The following TRMT9B variants were observed in gnomAD, a reference collection of about 807,000 sequenced individuals.
The protein encoded by TRMT9B is tRNA methyltransferase 9B (putative), also known as probable tRNA methyltransferase 9B.
A neutral mutation model predicts 11.5 loss-of-function variants in TRMT9B; 16 were observed. The observed-to-expected ratio is 1.39, with a 90% CI of 0.94 to 2.11. TRMT9B has a LOEUF of 2.11. Ranked by LOEUF, TRMT9B falls within the 30% of genes most tolerant of loss-of-function variation. The pLI is 0.00. For missense variants in TRMT9B, 941 were observed against 553.8 expected, an observed-to-expected ratio of 1.70 and a Z score of -7.02; for synonymous variants, 274 against 192.4, an observed-to-expected ratio of 1.42 and a Z score of -3.51.
At chr8:12,962,551 T>G in intron 1 of TRMT9B, among the ~76,000 whole-genome samples, 1 of 152,114 alleles carries the variant, frequency 6.6e-6, no homozygotes, top group Non-Finnish European at 1.5e-5. Flanking sequence ...AGTGCAGTGG[T>G]GTGATCTTGG....
At chr8:12,974,941 T>C (rs1804209020) in intron 1 of TRMT9B, among the ~76,000 whole-genome samples, 1 of 151,724 alleles carries the variant, frequency 6.6e-6, no homozygotes, top group African/African-American at 2.4e-5. Context: ...GCAGCATTAT[T>C]TGTGAAAGAA....
intron 2 of TRMT9B, among the ~76,000 whole-genome samples, chr8:12,998,011 C>A (rs1306037797): frequency 6.6e-6 from 1 of 152,018 alleles, no homozygotes; most frequent in Non-Finnish European, 1.5e-5. Flanking sequence ...AAGTTAAGCC[C>A]CTTTGTGTGT....
intron 1 of TRMT9B, among the ~76,000 whole-genome samples, chr8:12,949,534 C>G (rs141863422): frequency 0.023 from 3,451 of 152,266 alleles, 126 homozygotes; most frequent in African/African-American, 0.077. Flanking sequence ...CTGGTGGTCA[C>G]TGAAATGCCG....
At position 13,023,089 on chromosome 8, in the gene TRMT9B, T is replaced by C. The variant is rs1814212588; in HGVS notation, c.*1045T>C. 1 of 167,086 alleles carries C rather than the reference T, an allele frequency of 6.0e-6. No individual in the cohort carries two copies. Among genetic ancestry groups the C allele is most frequent in the South Asian group, 2.1e-4 (1 of 4,830 alleles). 10.4% of individuals were successfully genotyped at this position (167,086 alleles called of 1,614,324 possible). A position where few individuals can be genotyped will look rare whatever the true frequency, so the allele number is the denominator to read the frequency against. On this transcript the variant is annotated 3_prime_UTR_variant, in exon 5 of 5. Transcript: ENST00000524591. ...TACCCAAGTGGTATTCTTCCAATCT[T>C]ATTAGAAGCATGAATATTCAAGATT...
chr8:12,960,462 G>A (rs1585090093), intron 1 of TRMT9B: 1 of 152,138 alleles, frequency 6.6e-6, no homozygotes, highest in East Asian at 1.9e-4. Context: ...CTGTATGGGT[G>A]AAGACTGAAA....
rs1218464676 is a variant in TRMT9B, at chr8:12,990,948, A to C, written c.-85A>C. The C allele has an allele frequency of 1.6e-6, 2 of 1,289,190 alleles. No homozygotes were observed. The highest frequency in any genetic ancestry group is 4.6e-5 in the Admixed American group (2 of 43,538). 79.9% of individuals were successfully genotyped at this position (1,289,190 alleles called of 1,614,324 possible). On this transcript the variant is annotated 5_prime_UTR_variant, in exon 2 of 5. Transcript: ENST00000524591. ...GTTACACATTGAGAAAGTTATGAGAAGCAACTGTCACTCTCTGGAGGTGGA... is the reference window on the plus strand; with the variant it reads ...GTTACACATTGAGAAAGTTATGAGACGCAACTGTCACTCTCTGGAGGTGGA...
At chr8:13,006,035 G>A (rs1810391548) in intron 2 of TRMT9B, among the ~76,000 whole-genome samples, 167 bp from the exon 3 acceptor site, 1 of 152,300 alleles carries the variant, frequency 6.6e-6, no homozygotes, top group East Asian at 1.9e-4. Context: ...TGGCTACTAT[G>A]GCGAGGTTAT....
At position 13,024,078 on chromosome 8, in the gene TRMT9B, C is replaced by T. The variant is rs1814377403; in HGVS notation, c.*2034C>T. ...TTTTTTTTTGAGACAGAGTCTCGCT[C>T]TGTCGCCCAGGCTGGAGTGCACTGG... On this transcript the variant is annotated 3_prime_UTR_variant, in exon 5 of 5. Transcript: ENST00000524591. 1 of 132,646 alleles carries T rather than the reference C, an allele frequency of 7.5e-6. No homozygotes were observed. The highest frequency in any genetic ancestry group is 2.9e-5 in the African/African-American group (1 of 34,750). The allele number at this position is 132,646 out of a possible 1,614,324, so 8.2% of individuals were successfully genotyped here. A position where few individuals can be genotyped will look rare whatever the true frequency, so the allele number is the denominator to read the frequency against.
intron 1 of TRMT9B, among the ~76,000 whole-genome samples, chr8:12,971,976 C>T (rs757589188): frequency 6.6e-6 from 1 of 152,160 alleles, no homozygotes; most frequent in Non-Finnish European, 1.5e-5. Context: ...CCATAAATAA[C>T]TCTAGCCAAA....
intron 1 of TRMT9B, among the ~76,000 whole-genome samples, chr8:12,985,949 C>T (rs1438761653): frequency 3.3e-5 from 5 of 152,132 alleles, no homozygotes; most frequent in Non-Finnish European, 7.3e-5. Context: ...CAACCTCCGC[C>T]TCCCAGGTTC....
intron 2 of TRMT9B, among the ~76,000 whole-genome samples, chr8:13,004,253 A>C (rs960789339): frequency 6.6e-6 from 1 of 151,936 alleles, no homozygotes; most frequent in African/African-American, 2.4e-5. Context: ...TGCAGCTCCT[A>C]GGTGAGTCCT....
At chr8:12,966,603 A>G (rs1246531586) in intron 1 of TRMT9B, among the ~76,000 whole-genome samples, 1 of 152,170 alleles carries the variant, frequency 6.6e-6, no homozygotes, top group Non-Finnish European at 1.5e-5. Context: ...GTGGCACAGC[A>G]TTTATTTAAA....
intron 1 of TRMT9B, among the ~76,000 whole-genome samples, chr8:12,953,799 A>G (rs781052574): frequency 6.6e-6 from 1 of 152,202 alleles, no homozygotes; most frequent in Non-Finnish European, 1.5e-5. Flanking sequence ...TCAGATGGTC[A>G]TTGGTTACCT....
At chr8:12,960,357 G>T (rs944636197) in intron 1 of TRMT9B, 1 of 152,168 alleles carries the variant, frequency 6.6e-6, no homozygotes, top group Admixed American at 6.5e-5. Flanking sequence ...AACCAAACAC[G>T]TATTAAGGAG....
intron 1 of TRMT9B, among the ~76,000 whole-genome samples, chr8:12,973,327 G>C (rs189576642): frequency 3.3e-5 from 5 of 152,264 alleles, no homozygotes; most frequent in Non-Finnish European, 7.4e-5. Flanking sequence ...TGGGAGAAGA[G>C]AAGGTATTTC....
intron 1 of TRMT9B, among the ~76,000 whole-genome samples, chr8:12,972,059 T>C (rs187216184): frequency 4.7e-4 from 72 of 152,216 alleles, no homozygotes; most frequent in Non-Finnish European, 1.5e-5. Context: ...TTAGGTAGAG[T>C]CTGGGAGGGA....
intron 4 of TRMT9B, among the ~76,000 whole-genome samples, chr8:13,019,510 T>A (rs576604630): frequency 1.3e-5 from 2 of 152,270 alleles, no homozygotes; most frequent in East Asian, 3.9e-4. Flanking sequence ...CCCAGGCTGG[T>A]CTCAAACTCC....
intron 1 of TRMT9B, among the ~76,000 whole-genome samples, chr8:12,975,272 G>A (rs1159425907): frequency 6.6e-6 from 1 of 151,956 alleles, no homozygotes; most frequent in Admixed American, 6.6e-5. Context: ...TAAGCCCATG[G>A]GAATCAAAAT....
chr8:12,962,764 T>C (rs995395973), intron 1 of TRMT9B, among the ~76,000 whole-genome samples: 1 of 152,192 alleles, frequency 6.6e-6, no homozygotes, highest in African/African-American at 2.4e-5. Flanking sequence ...GTACTGAGAT[T>C]ATAGGCATGA....
Sources: allele counts gnomAD v4.1 joint callset (sites outside exome capture counted in the v4.1 genomes callset), GRCh38; gene constraint gnomAD v4.1.1; transcripts MANE v1.5; gene names NCBI Gene and HGNC (gene_info 2026-07-23, HGNC 2026-07-21).